SLC4A5: variants seen among roughly 807,000 people sequenced by gnomAD.
SLC4A5 encodes electrogenic sodium bicarbonate cotransporter 4.
In SLC4A5, 96 loss-of-function variants were observed where a neutral mutation model predicts 120.4. The ratio of observed to expected loss-of-function variants is 0.80; its 90% confidence interval spans 0.68 to 0.94. The LOEUF (loss-of-function observed/expected upper bound fraction) is 0.94. Among genes scored for constraint, SLC4A5 ranks in the 40% least tolerant of loss-of-function variants. SLC4A5 has a pLI of 0.00. For missense variants in SLC4A5, 1,259 were observed against 1,459.5 expected, an observed-to-expected ratio of 0.86 and a Z score of 2.24; for synonymous variants, 550 against 571.1, an observed-to-expected ratio of 0.96 and a Z score of 0.53.
chr2:74,241,969 T>C (rs774294596), intron 20 of SLC4A5, 25 bp downstream of exon 20: 2 of 1,593,836 alleles, frequency 1.3e-6, no homozygotes, highest in Non-Finnish European at 1.7e-6. Flanking sequence ...CACTCAAATG[T>C]CTAACATAAG....
chr2:74,297,790 A>G (rs1025146174), intron 7 of SLC4A5, among the ~76,000 whole-genome samples: 1 of 152,212 alleles, frequency 6.6e-6, no homozygotes, highest in Non-Finnish European at 1.5e-5. Context: ...AATTATTAAT[A>G]TATTCACATT....
At chr2:74,240,594 C>T (rs1670408508) in intron 20 of SLC4A5, among the ~76,000 whole-genome samples, 1 of 152,058 alleles carries the variant, frequency 6.6e-6, no homozygotes, top group South Asian at 2.1e-4. Flanking sequence ...CATAGTGAGA[C>T]CTTGTCTCTA....
At chr2:74,303,858 T>A (rs1223620485) in intron 7 of SLC4A5, among the ~76,000 whole-genome samples, 1,637 of 151,746 alleles carry the variant, frequency 0.011, 33 homozygotes, top group African/African-American at 0.035. Context: ...ATTATTTTTT[T>A]TTTTTTTTTG....
chr2:74,336,726 T>C (rs887009661), intron 3 of SLC4A5, among the ~76,000 whole-genome samples: 2 of 152,032 alleles, frequency 1.3e-5, no homozygotes, highest in Admixed American at 1.3e-4. Context: ...ATCTGAAAAA[T>C]TATAAAATCA....
chr2:74,286,230 C>G (rs1457577795), intron 7 of SLC4A5, among the ~76,000 whole-genome samples: 1 of 152,200 alleles, frequency 6.6e-6, no homozygotes, highest in Admixed American at 6.5e-5. Flanking sequence ...CACTCTGACC[C>G]AACTTCAGCT....
Position 74,315,020 on chromosome 2 carries a change from T to G in SLC4A5, c.4A>C (p.Lys2Gln), listed in dbSNP as rs774301258. Residue 2 changes from lysine to glutamine, a missense_variant, in exon 6 of 31, where the codon AAG (lysine) becomes CAG (glutamine). Lys to Gln is a moderately conservative substitution (Grantham distance 53). Coordinates refer to ENST00000394019, the Ensembl canonical transcript of SLC4A5. ...ACCCCAGCCTTCTCCTCCTTCACCTTCATGACTATAAAGTAAAAGGAACAC... is the reference window on the plus strand; with the variant it reads ...ACCCCAGCCTTCTCCTCCTTCACCTGCATGACTATAAAGTAAAAGGAACAC... 3.0e-5 allele frequency: 49 copies of G among 1,613,244 alleles called. No homozygotes were observed. Among genetic ancestry groups the G allele is most frequent in the Non-Finnish European group, 4.2e-5 (49 of 1,179,386 alleles).
chr2:74,328,965 T>C (rs983052100), intron 4 of SLC4A5, among the ~76,000 whole-genome samples: 7 of 151,616 alleles, frequency 4.6e-5, no homozygotes, highest in Admixed American at 3.9e-4. Context: ...CACCAAAAGC[T>C]AGAGACATTT....
At chr2:74,307,396 C>T (rs541433026) in intron 6 of SLC4A5, 8 of 630,556 alleles carry the variant, frequency 1.3e-5, no homozygotes, top group Admixed American at 1.9e-5. Flanking sequence ...AGCAGCTCCT[C>T]GAGAGCCTCG....
intron 19 of SLC4A5, among the ~76,000 whole-genome samples, chr2:74,245,201 C>A (rs1670571293): frequency 6.6e-6 from 1 of 152,126 alleles, no homozygotes; most frequent in African/African-American, 2.4e-5. Flanking sequence ...CACTTGTAAT[C>A]CCAGCTACTT....
chr2:74,233,667 G>T, intron 22 of SLC4A5, 104 bp from the exon 23 acceptor site: 1 of 1,373,712 alleles, frequency 7.3e-7, no homozygotes, highest in Non-Finnish European at 9.7e-7. Flanking sequence ...CTGACTTTGG[G>T]TACTTTTCAA....
At chr2:74,284,766 C>T (rs1671928606) in intron 8 of SLC4A5, among the ~76,000 whole-genome samples, 1 of 152,114 alleles carries the variant, frequency 6.6e-6, no homozygotes, top group African/African-American at 2.4e-5. Context: ...CTTACCCTGC[C>T]CCTCCCTTGG....
chr2:74,340,519 G>A (rs1673600197), intron 2 of SLC4A5, among the ~76,000 whole-genome samples: 1 of 152,098 alleles, frequency 6.6e-6, no homozygotes, highest in African/African-American at 2.4e-5. Flanking sequence ...GATGGGTGGG[G>A]GCAGAAGCAG....
At chr2:74,229,181 C>A (rs966123253) in intron 25 of SLC4A5, among the ~76,000 whole-genome samples, 1 of 144,352 alleles carries the variant, frequency 6.9e-6, no homozygotes, top group Admixed American at 7.2e-5. Context: ...AGTGATCCTC[C>A]CACCTCGGCC....
intron 5 of SLC4A5, among the ~76,000 whole-genome samples, chr2:74,317,358 TTTTTAAATG>T (rs2104305269): frequency 6.6e-6 from 1 of 152,370 alleles, no homozygotes; most frequent in East Asian, 1.9e-4. Flanking sequence ...GATAGTTTTT[TTTTTAAATG>T]TTTTATCTGA....
At chr2:74,222,910 T>C (rs746758842) in exon 29 of SLC4A5, 14 of 1,613,414 alleles carry the variant, frequency 8.7e-6, no homozygotes, top group Admixed American at 1.7e-5. Context: ...GATTGGACAC[T>C]TTCCATGGGA....
At chr2:74,292,911 G>C (rs1436864738) in intron 7 of SLC4A5, among the ~76,000 whole-genome samples, 1 of 152,082 alleles carries the variant, frequency 6.6e-6, no homozygotes, top group African/African-American at 2.4e-5. Context: ...TGTTCACATC[G>C]CACTGCTGGC....
chr2:74,311,275 T>C (rs551467942), intron 6 of SLC4A5, among the ~76,000 whole-genome samples: 263 of 152,270 alleles, frequency 1.7e-3, no homozygotes, highest in Non-Finnish European at 3.0e-3. Context: ...ATTTTCTCTA[T>C]TGTTTCCTAT....
intron 13 of SLC4A5, 40 bp from the exon 14 acceptor site, chr2:74,254,746 A>G: frequency 7.0e-7 from 1 of 1,427,346 alleles, no homozygotes. Flanking sequence ...AAGATTAAGG[A>G]AGAGGAGCAT....
At chr2:74,250,293 A>C in intron 17 of SLC4A5, 50 bp downstream of exon 17, 1 of 1,573,372 alleles carries the variant, frequency 6.4e-7, no homozygotes, top group Non-Finnish European at 8.7e-7. Context: ...TGCTGCCACC[A>C]GGTGGCGGCA....
Sources: allele counts gnomAD v4.1 joint callset (sites outside exome capture counted in the v4.1 genomes callset), GRCh38; gene constraint gnomAD v4.1.1; transcripts MANE v1.5; gene names NCBI Gene and HGNC (gene_info 2026-07-23, HGNC 2026-07-21).